The following P2RX7 variants were observed in gnomAD, a reference collection of about 807,000 sequenced individuals.
The protein encoded by P2RX7 is purinergic receptor P2X 7.
P2RX7 carries 62 observed loss-of-function variants against 71.6 expected under a neutral mutation model. The ratio of observed to expected loss-of-function variants is 0.87; its 90% CI spans 0.71 to 1.07. The LOEUF (loss-of-function observed/expected upper bound fraction) is 1.07. Ranked by LOEUF, P2RX7 falls within the 50% of genes least tolerant of loss-of-function variation. P2RX7 has a pLI of 0.00. For synonymous variants in P2RX7, 299 were observed against 283.3 expected (o/e 1.06, Z -0.56); for missense variants, 686 against 748.5 (o/e 0.92, Z 0.97).
chr12:121,144,565 T>C (rs1254202046), intron 1 of P2RX7, among the ~76,000 whole-genome samples: 1 of 152,208 alleles, frequency 6.6e-6, no homozygotes, highest in Admixed American at 6.5e-5. Context: ...CCCAAGGTCA[T>C]GTAGTCAGTA....
At chr12:121,153,848 C>T (rs574063477) in intron 1 of P2RX7, among the ~76,000 whole-genome samples, 2 of 152,154 alleles carry the variant, frequency 1.3e-5, no homozygotes, top group Non-Finnish European at 2.9e-5. Context: ...TGTGGTGGCC[C>T]ACACCTGTAA....
In P2RX7 at chr12:121,177,397, A is replaced by G. The variant is rs1474867753; in HGVS notation, c.1139A>G (p.Asn380Ser). 1.2e-6 allele frequency: 2 copies of G among 1,613,934 alleles called. No homozygotes were observed. The highest frequency in any genetic ancestry group is 1.7e-6 in the Non-Finnish European group (2 of 1,180,046). The change falls in exon 11 of 13, where the codon AAC becomes AGC. Residue 380 changes from asparagine (N) to serine (S), a missense_variant. Physicochemically the swap from Asn to Ser is conservative, Grantham distance 46 (BLOSUM62 1). Coordinates refer to ENST00000328963, the MANE Select transcript of P2RX7 (RefSeq NM_002562.6). The stretch of plus-strand genomic sequence containing the variant: ...AAGTGCTGTCAGCCCTGTGTGGTCA[A>G]CGAATACTACTACAGGAAGAAGTGC... Reference protein sequence around the residue: ...WCKCCQPCVVNEYYYRKKCES... With the variant: ...WCKCCQPCVVSEYYYRKKCES...
intron 8 of P2RX7, among the ~76,000 whole-genome samples, chr12:121,174,679 TC>T (rs1338973804): frequency 6.6e-6 from 1 of 151,970 alleles, no homozygotes; most frequent in East Asian, 1.9e-4. Flanking sequence ...CACCGCCCAC[TC>T]CCACTTTGTT....
intron 9 of P2RX7, 136 bp downstream of exon 9, chr12:121,175,614 G>A: frequency 1.6e-6 from 1 of 608,780 alleles, no homozygotes; most frequent in East Asian, 2.7e-5. Context: ...TGGGATAAAA[G>A]AGGAAGAAGA....
intron 1 of P2RX7, among the ~76,000 whole-genome samples, chr12:121,139,582 C>T (rs1335409882): frequency 6.6e-6 from 1 of 152,182 alleles, no homozygotes; most frequent in Non-Finnish European, 1.5e-5. Flanking sequence ...TGGCTGGACA[C>T]CTGTTTCCCA....
intron 4 of P2RX7, among the ~76,000 whole-genome samples, chr12:121,161,732 C>T (rs1879758759): frequency 6.9e-6 from 1 of 144,614 alleles, no homozygotes; most frequent in Admixed American, 7.0e-5. Context: ...GCAGAGGTTG[C>T]AGTGAGCCAA....
chr12:121,165,713 C>G (rs1399824058), intron 6 of P2RX7, among the ~76,000 whole-genome samples: 4 of 152,216 alleles, frequency 2.6e-5, no homozygotes, highest in African/African-American at 7.2e-5. Flanking sequence ...CTCAGTTCCT[C>G]ACCACGTGAA....
chr12:121,177,433 T>A lies in P2RX7; in HGVS notation c.1175T>A (p.Val392Glu). ...TACAGGAAGAAGTGCGAGTCCATTG[T>A]GGAGCCAAAGCCGGTGAGGCCGCTG... The part of the protein sequence containing the change: ...YYYRKKCESI[V>E]EPKPTLKYVS... Residue 392 changes from valine (V) to glutamate (E), a missense_variant, in exon 11 of 13, where the codon GTG (valine) becomes GAG (glutamate). By Grantham distance (121) the Val-to-Glu change is moderately radical. Coordinates refer to ENST00000328963, the MANE Select transcript of P2RX7 (RefSeq NM_002562.6). The A allele has an allele frequency of 6.2e-7, 1 of 1,613,362 alleles. No individual in the cohort carries two copies. Among genetic ancestry groups the A allele is most frequent in the South Asian group, 1.1e-5 (1 of 91,038 alleles).
intron 1 of P2RX7, among the ~76,000 whole-genome samples, chr12:121,150,044 T>C (rs1877069569): frequency 6.6e-6 from 1 of 152,144 alleles, no homozygotes; most frequent in African/African-American, 2.4e-5. Flanking sequence ...GGATTAAACC[T>C]ACCACCTGGA....
Position 121,160,964 on chromosome 12 carries a change from G to A in P2RX7, c.426G>A (p.Pro142=), listed in dbSNP as rs754238799. The A allele has an allele frequency of 6.8e-6, 11 of 1,613,048 alleles. No homozygotes were observed. Among genetic ancestry groups the A allele is most frequent in the South Asian group, 1.1e-5 (1 of 91,056 alleles). ...GTTGTAAAAAGGGATGGATGGACCC[G>A]CAGAGCAAAGGTACCTTCTGTTTCT... The part of the protein sequence containing the change: ...DRGCKKGWMD[P]QSKGIQTGRC... Residue 142 remains proline, a synonymous_variant, in exon 4 of 13, where the codon CCG becomes CCA. Transcript: ENST00000328963.
chr12:121,136,689 TA>T (rs1438336514), intron 1 of P2RX7, among the ~76,000 whole-genome samples: 1 of 143,048 alleles, frequency 7.0e-6, no homozygotes, highest in Non-Finnish European at 1.5e-5. Context: ...CTCTGTCACC[TA>T]GGCTGTAGTG....
At chr12:121,167,982 A>T (rs1029194887) in intron 8 of P2RX7, among the ~76,000 whole-genome samples, 1 of 151,974 alleles carries the variant, frequency 6.6e-6, no homozygotes, top group Non-Finnish European at 1.5e-5. Context: ...TATAAAACAA[A>T]ACTATTGGGA....
intron 4 of P2RX7, among the ~76,000 whole-genome samples, chr12:121,161,457 T>C (rs920222872): frequency 6.6e-6 from 1 of 152,178 alleles, no homozygotes; most frequent in Non-Finnish European, 1.5e-5. Context: ...GCAGTGCTAT[T>C]GCGATACCTG....
Position 121,177,340 on chromosome 12 carries a change from A to G in P2RX7, c.1082A>G (p.Asn361Ser), listed in dbSNP as rs201921967. 2.5e-6 allele frequency: 4 copies of G among 1,613,984 alleles called. No individual in the cohort carries two copies. Among genetic ancestry groups the G allele is most frequent in the Non-Finnish European group, 3.4e-6 (4 of 1,179,972 alleles). Residue 361 changes from asparagine to serine, a missense_variant, in exon 11 of 13, where the codon AAC becomes AGC. Asn to Ser is a conservative substitution (Grantham distance 46). Coordinates refer to ENST00000328963, the MANE Select transcript of P2RX7 (RefSeq NM_002562.6). ...TTCCTCATCGACACTTACTCCAGTA[A>G]CTGCTGTCGCTCCCATATTTATCCC... is the stretch of plus-strand genomic sequence containing the variant. ...IDFLIDTYSS[N>S]CCRSHIYPWC...
At chr12:121,158,638 C>T (rs1400194697) in intron 3 of P2RX7, among the ~76,000 whole-genome samples, 1 of 152,198 alleles carries the variant, frequency 6.6e-6, no homozygotes, top group Non-Finnish European at 1.5e-5. Flanking sequence ...CACTCCACCT[C>T]TCAATGGAGA....
intron 12 of P2RX7, among the ~76,000 whole-genome samples, chr12:121,183,100 C>A (rs1341939181): frequency 6.6e-6 from 1 of 151,506 alleles, no homozygotes; most frequent in Admixed American, 6.6e-5. Context: ...TGGCGTGAAC[C>A]CAGGAGGCAG....
intron 1 of P2RX7, among the ~76,000 whole-genome samples, chr12:121,140,618 A>G (rs1668852279): frequency 1.3e-5 from 2 of 152,118 alleles, no homozygotes; most frequent in Non-Finnish European, 2.9e-5. Context: ...TTCCTGAGGA[A>G]CGATGATGCC....
intron 1 of P2RX7, among the ~76,000 whole-genome samples, chr12:121,145,948 C>G (rs169631): frequency 0.42 from 63,941 of 151,916 alleles, 16,965 homozygotes; most frequent in African/African-American, 0.76. Context: ...AGGAGAGAAA[C>G]GGAAGTTGAT....
At chr12:121,134,200 T>C (rs1220298736) in intron 1 of P2RX7, among the ~76,000 whole-genome samples, 1 of 152,216 alleles carries the variant, frequency 6.6e-6, no homozygotes, top group African/African-American at 2.4e-5. Flanking sequence ...CTCCTTTCTC[T>C]CGAATATGTA....
Sources: allele counts gnomAD v4.1 joint callset (sites outside exome capture counted in the v4.1 genomes callset), GRCh38; gene constraint gnomAD v4.1.1; transcripts MANE v1.5; gene names NCBI Gene and HGNC (gene_info 2026-07-23, HGNC 2026-07-21).